Variants in BRINP3 observed in about 807,000 individuals in gnomAD.
BRINP3 encodes the protein BMP/retinoic acid-inducible neural-specific protein 3.
In BRINP3, 19 loss-of-function variants were observed where a neutral mutation model predicts 71.0. The ratio of observed to expected loss-of-function variants is 0.27; its 90% CI spans 0.19 to 0.39. The LOEUF (loss-of-function observed/expected upper bound fraction) is 0.39, where lower values mean the gene tolerates loss of function less well. Among genes scored for constraint, BRINP3 ranks in the 10% least tolerant of loss-of-function variants. The pLI, the probability that BRINP3 is intolerant of heterozygous loss-of-function variation, is 1.00. For missense variants in BRINP3, 959 were observed against 940.8 expected (o/e 1.02, Z -0.25); for synonymous variants, 380 against 337.7 (o/e 1.13, Z -1.37).
chr1:190,148,173 T>G (rs1476916935), intron 7 of BRINP3, among the ~76,000 whole-genome samples: 2 of 152,146 alleles, frequency 1.3e-5, no homozygotes, highest in Non-Finnish European at 2.9e-5. Flanking sequence ...TCATCCAATT[T>G]CAAGAAAAGC....
intron 2 of BRINP3, among the ~76,000 whole-genome samples, chr1:190,301,431 T>C (rs1664732991): frequency 6.6e-6 from 1 of 151,034 alleles, no homozygotes; most frequent in Non-Finnish European, 1.5e-5. Context: ...CAAAATACTT[T>C]GGAAAACTGT....
intron 4 of BRINP3, among the ~76,000 whole-genome samples, chr1:190,259,606 A>G (rs1445292986): frequency 7.0e-6 from 1 of 142,034 alleles, no homozygotes; most frequent in Non-Finnish European, 1.5e-5. Flanking sequence ...CACCAGGAGA[A>G]TTAGGCAAAA....
intron 7 of BRINP3, 106 bp from the exon 8 acceptor site, chr1:190,099,240 C>T: frequency 1.9e-6 from 2 of 1,080,248 alleles, no homozygotes; most frequent in African/African-American, 1.6e-5. Flanking sequence ...AGGTCATCTC[C>T]AGCCAGTAAT....
chr1:190,315,706 T>C (rs1665834546), intron 2 of BRINP3, among the ~76,000 whole-genome samples: 1 of 152,104 alleles, frequency 6.6e-6, no homozygotes, highest in South Asian at 2.1e-4. Context: ...CTCTGCTAGA[T>C]CCAAAGATCT....
At chr1:190,287,161 G>A (rs747576427) in intron 2 of BRINP3, among the ~76,000 whole-genome samples, 2 of 152,114 alleles carry the variant, frequency 1.3e-5, no homozygotes, top group Non-Finnish European at 2.9e-5. Flanking sequence ...GGGAGGCAGA[G>A]GTTGCAGTGA....
At position 190,098,506 on chromosome 1, in the gene BRINP3, G is replaced by C; in HGVS notation, c.1813C>G (p.Leu605Val). The change falls in exon 8 of 8, where the codon CTG becomes GTG. Residue 605 changes from leucine (L) to valine (V), a missense_variant. Physicochemically the swap from Leu to Val is conservative, Grantham distance 32 (BLOSUM62 1). Transcript: ENST00000367462. The part of the protein sequence containing the change: ...DWERTKLDLP[L>V]QCYNWTLTLG... ...GTTAATGTCCAGTTATAACACTGCA[G>C]GGGTAGGTCCAACTTAGTCCGCTCC... 6.2e-7 allele frequency: 1 copy of C among 1,614,144 alleles called. No individual in the cohort carries two copies. Among genetic ancestry groups the C allele is most frequent in the South Asian group, 1.1e-5 (1 of 91,084 alleles).
chr1:190,134,619 T>A (rs567442816), intron 7 of BRINP3, among the ~76,000 whole-genome samples: 1 of 151,646 alleles, frequency 6.6e-6, no homozygotes, highest in Non-Finnish European at 1.5e-5. Flanking sequence ...TTCTAAAGAG[T>A]CTCCAGAGAC....
intron 6 of BRINP3, among the ~76,000 whole-genome samples, chr1:190,173,393 T>C (rs1463199565): frequency 6.6e-6 from 1 of 152,184 alleles, no homozygotes; most frequent in African/African-American, 2.4e-5. Context: ...TCCTGTGTCC[T>C]TTGGAGTAAA....
At position 190,098,815 on chromosome 1, in the gene BRINP3, G is replaced by C. The variant is rs1651427749; in HGVS notation, c.1504C>G (p.Gln502Glu). 2 of 1,614,202 alleles carry C rather than the reference G, an allele frequency of 1.2e-6. No individual in the cohort carries two copies. Among genetic ancestry groups the C allele is most frequent in the Non-Finnish European group, 1.7e-6 (2 of 1,180,042 alleles). ...LQDLEMKYLL[Q>E]KTDRRIEVHA... ...ACTTCTATTCGTCTGTCCGTTTTCTGCAGCAGATATTTCATCTCGAGATCT... is the reference window on the plus strand; with the variant it reads ...ACTTCTATTCGTCTGTCCGTTTTCTCCAGCAGATATTTCATCTCGAGATCT... The change falls in exon 8 of 8, where the codon CAG (glutamine) becomes GAG (glutamate). Residue 502 changes from glutamine (Q) to glutamate (E), a missense_variant. By Grantham distance (29) the Gln-to-Glu change is conservative. Transcript: ENST00000367462.
chr1:190,383,578 C>T (rs533866317), intron 2 of BRINP3, among the ~76,000 whole-genome samples: 11 of 151,948 alleles, frequency 7.2e-5, no homozygotes, highest in Middle Eastern at 3.4e-3. Context: ...TGCTAATATG[C>T]GAAATGAAAC....
intron 2 of BRINP3, among the ~76,000 whole-genome samples, chr1:190,398,908 G>T (rs758667579): frequency 2.0e-5 from 3 of 151,764 alleles, no homozygotes; most frequent in Non-Finnish European, 4.4e-5. Context: ...AAGCTTTTTT[G>T]ATCCATCTCT....
intron 2 of BRINP3, among the ~76,000 whole-genome samples, chr1:190,334,225 ATCTT>A (rs1220086845): frequency 2.0e-5 from 3 of 151,824 alleles, no homozygotes; most frequent in African/African-American, 7.2e-5. Flanking sequence ...TCTGATTTCA[ATCTT>A]TTTTCAAGTT....
At chr1:190,172,740 C>A (rs1571905492) in intron 6 of BRINP3, among the ~76,000 whole-genome samples, 1 of 152,132 alleles carries the variant, frequency 6.6e-6, no homozygotes, top group Admixed American at 6.6e-5. Flanking sequence ...TGGAAGCCAT[C>A]ATCCTCAGAA....
At position 190,131,378 on chromosome 1, in the gene BRINP3, C is replaced by T. The variant is rs181952041; in HGVS notation, c.1184+29290G>A. On this transcript the variant is annotated intron_variant, in intron 7 of 7. Coordinates refer to ENST00000367462, the MANE Select transcript of BRINP3 (RefSeq NM_199051.3). ...CAAGAACCCAACATAGTAATAATAA[C>T]GATAACCATTTCTATTCCACTACTG... Among the ~76,000 whole-genome samples the T allele has an allele frequency of 2.8e-3, 433 of 151,986 alleles. 2 individuals carry two copies. Among genetic ancestry groups the T allele is most frequent in the African/African-American group, 9.2e-3 (381 of 41,516 alleles).
chr1:190,358,604 C>T (rs569925924), intron 2 of BRINP3, among the ~76,000 whole-genome samples: 5 of 152,060 alleles, frequency 3.3e-5, no homozygotes, highest in Admixed American at 1.3e-4. Context: ...GTCAGTGTGG[C>T]GATTCCTCAA....
At chr1:190,282,230 A>G (rs1283508368) in intron 2 of BRINP3, among the ~76,000 whole-genome samples, 1 of 151,660 alleles carries the variant, frequency 6.6e-6, no homozygotes, top group Non-Finnish European at 1.5e-5. Context: ...AAACAACAAA[A>G]AAGAAATCAG....
At chr1:190,113,587 T>C (rs531823280) in intron 7 of BRINP3, among the ~76,000 whole-genome samples, 3 of 152,258 alleles carry the variant, frequency 2.0e-5, no homozygotes, top group African/African-American at 4.8e-5. Context: ...TTTCTAAACA[T>C]CTGGAATTAC....
intron 7 of BRINP3, among the ~76,000 whole-genome samples, chr1:190,144,637 G>A (rs768620182): frequency 2.6e-5 from 4 of 151,728 alleles, no homozygotes; most frequent in Non-Finnish European, 5.9e-5. Flanking sequence ...CTTGTTGCCT[G>A]GAAAAAACCT....
At chr1:190,206,983 GTTTTGTTT>G (rs1367361445) in intron 6 of BRINP3, among the ~76,000 whole-genome samples, 1 of 146,026 alleles carries the variant, frequency 6.8e-6, no homozygotes, top group South Asian at 2.2e-4. Flanking sequence ...TTTTTGTTTT[GTTTTGTTT>G]TTTTGTTTTT....
Sources: gnomAD v4.1 joint callset for allele counts (sites outside exome capture counted in the v4.1 genomes callset) on GRCh38, gnomAD v4.1.1 for gene constraint, MANE v1.5 for transcripts, NCBI Gene and HGNC (gene_info 2026-07-23, HGNC 2026-07-21) for gene names.